PHLPP2: variants seen among roughly 807,000 people sequenced by gnomAD.
PHLPP2 encodes the protein PH domain leucine-rich repeat-containing protein phosphatase 2.
In PHLPP2, 66 loss-of-function variants were observed where a neutral mutation model predicts 124.9. That is an observed-to-expected ratio of 0.53 (90% CI 0.43 to 0.65). The LOEUF is 0.65. Ranked by LOEUF, PHLPP2 falls within the 30% of genes least tolerant of loss-of-function variation. The pLI is 0.00. For missense variants in PHLPP2, 1,685 were observed against 1,600.4 expected (o/e 1.05, Z -0.90); for synonymous variants, 681 against 624.7 (o/e 1.09, Z -1.34).
chr16:71,649,446 G>C lies in PHLPP2; in HGVS notation c.3416C>G (p.Ser1139Cys), dbSNP rs199811510. 2.7e-4 allele frequency: 439 copies of C among 1,614,130 alleles called. 3 individuals are homozygous for C. In the Admixed American group the frequency reaches 6.8e-3, roughly 25 times the overall value. The change falls in exon 19 of 19, where the codon TCC becomes TGC. Residue 1139 changes from serine (S) to cysteine (C), a missense_variant. Transcript: ENST00000568954. The part of the protein sequence containing the change: ...FQRQPSSATF[S>C]SNQSDNGLDS... ...CAGGCCGTTGTCAGACTGGTTACTGGAGAAGGTAGCAGAAGAAGGCTGGCG... is the reference window on the plus strand; with the variant it reads ...CAGGCCGTTGTCAGACTGGTTACTGCAGAAGGTAGCAGAAGAAGGCTGGCG...
At chr16:71,679,030 C>A in intron 7 of PHLPP2, 45 bp from the exon 8 acceptor site, 1 of 1,037,740 alleles carries the variant, frequency 9.6e-7, no homozygotes, top group Non-Finnish European at 1.5e-6. Flanking sequence ...AAAGGTTTCA[C>A]TGGAATGCAC....
intron 9 of PHLPP2, among the ~76,000 whole-genome samples, chr16:71,672,525 T>C (rs1204972235): frequency 6.6e-6 from 1 of 152,234 alleles, no homozygotes; most frequent in East Asian, 1.9e-4. Flanking sequence ...AACAGCTAAT[T>C]GAAGGATCCT....
chr16:71,662,708 T>C (rs2044802560), intron 13 of PHLPP2, among the ~76,000 whole-genome samples: 1 of 152,194 alleles, frequency 6.6e-6, no homozygotes, highest in Non-Finnish European at 1.5e-5. Context: ...CTTCATGGCA[T>C]AGATTTTTCT....
intron 4 of PHLPP2, among the ~76,000 whole-genome samples, chr16:71,689,582 G>C (rs187671635): frequency 1.5e-4 from 22 of 151,566 alleles, no homozygotes; most frequent in Admixed American, 1.4e-3. Context: ...ATTTTTAGTA[G>C]AGACGGGGTT....
rs2044664489 is a variant in PHLPP2, at chr16:71,647,859, A to C, written c.*1031T>G. 6.6e-6 allele frequency: 1 copy of C among 152,522 alleles called. No individual in the cohort carries two copies. Among genetic ancestry groups the C allele is most frequent in the Non-Finnish European group, 1.5e-5 (1 of 68,076 alleles). The allele number at this position is 152,522 out of a possible 1,614,324, so 9.4% of individuals were successfully genotyped here. A position where few individuals can be genotyped will look rare whatever the true frequency, so the allele number is the denominator to read the frequency against. On this transcript the variant is annotated 3_prime_UTR_variant, in exon 19 of 19. Coordinates refer to ENST00000568954, the MANE Select transcript of PHLPP2 (RefSeq NM_015020.3). ...GAGCTTTCACAGTCTGACATCCAAAAGTTAAATCAACTTCACAGGGCCCTT... is the reference window on the plus strand; with the variant it reads ...GAGCTTTCACAGTCTGACATCCAAACGTTAAATCAACTTCACAGGGCCCTT...
At chr16:71,676,757 T>A in intron 8 of PHLPP2, 108 bp from the exon 9 acceptor site, 5 of 783,948 alleles carry the variant, frequency 6.4e-6, no homozygotes, top group Non-Finnish European at 1.0e-5. Context: ...TCTGTTTACT[T>A]TTTTTTTTTG....
At chr16:71,707,195 T>A (rs1309949743) in intron 2 of PHLPP2, among the ~76,000 whole-genome samples, 1 of 151,854 alleles carries the variant, frequency 6.6e-6, no homozygotes, top group Non-Finnish European at 1.5e-5. Flanking sequence ...GACCTCGTGA[T>A]CCGCCCGCCT....
In PHLPP2 at chr16:71,648,677, C is replaced by T. The variant is rs2044670293; in HGVS notation, c.*213G>A. 1.9e-6 allele frequency: 1 copy of T among 533,774 alleles called. No individual in the cohort carries two copies. Among genetic ancestry groups the T allele is most frequent in the Non-Finnish European group, 3.3e-6 (1 of 302,288 alleles). 33.1% of individuals were successfully genotyped at this position (533,774 alleles called of 1,614,324 possible). A position where few individuals can be genotyped will look rare whatever the true frequency, so the allele number is the denominator to read the frequency against. On this transcript the variant is annotated 3_prime_UTR_variant, in exon 19 of 19. Transcript: ENST00000568954. ...ATCCCAGCTACTCGGGAGGCTGAGACAGGAGAATGGCTTGAACCCAGGGAC... is the reference window on the plus strand; with the variant it reads ...ATCCCAGCTACTCGGGAGGCTGAGATAGGAGAATGGCTTGAACCCAGGGAC...
At chr16:71,700,279 C>A (rs114919842) in intron 3 of PHLPP2, among the ~76,000 whole-genome samples, 4 of 151,928 alleles carry the variant, frequency 2.6e-5, no homozygotes, top group African/African-American at 4.8e-5. Flanking sequence ...GTGGTGCGCA[C>A]GTGTAGTTCC....
intron 2 of PHLPP2, among the ~76,000 whole-genome samples, chr16:71,704,307 CAAA>C (rs56882820): frequency 1.8e-4 from 18 of 98,710 alleles, no homozygotes; most frequent in African/African-American, 7.0e-4. Flanking sequence ...GACTCTGTCT[CAAA>C]AAAAAAAAAA....
intron 2 of PHLPP2, among the ~76,000 whole-genome samples, chr16:71,710,185 C>T (rs567011400): frequency 6.6e-6 from 1 of 152,180 alleles, no homozygotes; most frequent in South Asian, 2.1e-4. Flanking sequence ...GACCTTGCCA[C>T]CTAAATTCTG....
At chr16:71,692,788 T>C (rs1307585976) in intron 3 of PHLPP2, among the ~76,000 whole-genome samples, 2 of 151,864 alleles carry the variant, frequency 1.3e-5, no homozygotes, top group Admixed American at 6.6e-5. Flanking sequence ...AATGTAAATG[T>C]TAAGTAAATA....
chr16:71,707,514 AAGCACAGGGGGCTGG>A (rs1941324275), intron 2 of PHLPP2, among the ~76,000 whole-genome samples: 1 of 152,238 alleles, frequency 6.6e-6, no homozygotes, highest in South Asian at 2.1e-4. Flanking sequence ...CTGGGTGGGG[AAGCACAGGGGGCTGG>A]AGACTGAGTT....
rs1439548533 is a variant in PHLPP2 at position 71,649,943 on chromosome 16, C to G, written c.2919G>C (p.Leu973=). 6.2e-7 allele frequency: 1 copy of G among 1,614,012 alleles called. No individual in the cohort carries two copies. Among genetic ancestry groups the G allele is most frequent in the Admixed American group, 1.7e-5 (1 of 59,994 alleles). ...LPKPHISSTP[L]TIQDELLILG... is the part of the protein sequence containing the mutation. ...GAATCAGCAACTCATCTTGAATGGT[C>G]AGCGGAGTGGAAGATATGTGGGGCT... The change falls in exon 19 of 19, where the codon CTG becomes CTC. Residue 973 remains leucine (L), a synonymous_variant. Transcript: ENST00000568954.
chr16:71,709,271 C>G (rs1364739187), intron 2 of PHLPP2, among the ~76,000 whole-genome samples: 3 of 151,830 alleles, frequency 2.0e-5, no homozygotes, highest in Non-Finnish European at 2.9e-5. Flanking sequence ...CAAAATATGG[C>G]AAACAAAATT....
At chr16:71,723,372 G>C (rs1453308657) in intron 1 of PHLPP2, 2 of 152,356 alleles carry the variant, frequency 1.3e-5, no homozygotes, top group Non-Finnish European at 2.9e-5. Flanking sequence ...TTCCAGCCCC[G>C]CTCCTGTGCC....
intron 2 of PHLPP2, among the ~76,000 whole-genome samples, chr16:71,708,607 G>T (rs2045301219): frequency 6.6e-6 from 1 of 152,178 alleles, no homozygotes; most frequent in Admixed American, 6.5e-5. Flanking sequence ...CCAACATGGT[G>T]AAACCCCGTC....
Position 71,697,203 on chromosome 16 carries a change from T to C in PHLPP2, c.418+5395A>G, listed in dbSNP as rs1481035334. 9.6e-5 allele frequency among the ~76,000 whole-genome samples: 4 copies of C among 41,556 alleles called. No homozygotes were observed. In the Admixed American group the frequency reaches 1.2e-3, roughly 12 times the overall value. 27.3% of individuals were successfully genotyped at this position (41,556 alleles called of 152,430 possible). ...ATAAATAAATAAATAAATAAATAAA[T>C]AAATAAATAAATAAAAAGAAACTCA... is the stretch of plus-strand genomic sequence containing the variant. On this transcript the variant is annotated intron_variant, in intron 3 of 18. Transcript: ENST00000568954.
intron 1 of PHLPP2, among the ~76,000 whole-genome samples, chr16:71,718,752 G>A (rs1015124170): frequency 3.3e-5 from 5 of 152,076 alleles, no homozygotes; most frequent in African/African-American, 9.6e-5. Context: ...AAATATACAC[G>A]CTGTTGGTCA....
Sources: gnomAD v4.1 joint callset for allele counts (sites outside exome capture counted in the v4.1 genomes callset) on GRCh38, gnomAD v4.1.1 for gene constraint, MANE v1.5 for transcripts, NCBI Gene and HGNC (gene_info 2026-07-23, HGNC 2026-07-21) for gene names.